The following DOCK6 variants were observed in gnomAD, a reference collection of about 807,000 sequenced individuals.
DOCK6 encodes dedicator of cytokinesis 6.
Under a neutral mutation model 230.3 loss-of-function variants are expected in DOCK6, and 167 were observed. The ratio of observed to expected loss-of-function variants is 0.73; its 90% CI spans 0.64 to 0.82. The LOEUF (loss-of-function observed/expected upper bound fraction) is 0.82. Among genes scored for constraint, DOCK6 ranks in the 40% least tolerant of loss-of-function variants. The probability of loss-of-function intolerance (pLI) is 0.00; values close to 1 mark genes in which losing one functional copy is unlikely to be tolerated. For missense variants in DOCK6, 2,598 were observed against 2,825.8 expected (o/e 0.92, Z 1.83); for synonymous variants, 1,148 against 1,185.0 (o/e 0.97, Z 0.64).
At position 11,201,040 on chromosome 19, in the gene DOCK6, G is replaced by T; in HGVS notation, c.5701C>A (p.Pro1901Thr). Reference protein sequence around the residue: ...VCHREETVLTPVEVAIEDMQK... With the variant: ...VCHREETVLTTVEVAIEDMQK... ...ATGTCCTCGATGGCCACCTCCACTG[G>T]CGTCAGCACCGTCTGTGGGGTAAGG... The change falls in exon 45 of 48, where the codon CCA (proline) becomes ACA (threonine). Residue 1901 changes from proline (P) to threonine (T), a missense_variant. Physicochemically the swap from Pro to Thr is conservative, Grantham distance 38. Coordinates refer to ENST00000294618, the MANE Select transcript of DOCK6 (RefSeq NM_020812.4). This position sits in a 1 kb window ranked among gnomAD's most constrained non-coding sequence, Gnocchi z 4.3. The T allele has an allele frequency of 1.2e-6, 2 of 1,613,816 alleles. No homozygotes were observed. The highest frequency in any genetic ancestry group is 1.7e-6 in the Non-Finnish European group (2 of 1,179,854).
chr19:11,243,080 G>A lies in DOCK6; in HGVS notation c.1459C>T (p.Arg487Trp), dbSNP rs750086667. 11 of 1,613,940 alleles carry A rather than the reference G, an allele frequency of 6.8e-6. No individual in the cohort carries two copies. The highest frequency in any genetic ancestry group is 1.7e-5 in the Admixed American group (1 of 60,022). ...ADMRRPSSLL[R>W]RLRPVTAQLK... Reference sequence around the variant, plus strand: ...GCACCAGTCACAGGACGTAGTCGCCGCAGCAGGGACGACGGGCGCCTCATG... The same window carrying A: ...GCACCAGTCACAGGACGTAGTCGCCACAGCAGGGACGACGGGCGCCTCATG... The change falls in exon 13 of 48, where the codon CGG becomes TGG. Residue 487 changes from arginine to tryptophan, a missense_variant. Physicochemically the swap from Arg to Trp is moderately radical, Grantham distance 101. Coordinates refer to ENST00000294618, the MANE Select transcript of DOCK6 (RefSeq NM_020812.4). The surrounding 1 kb of genome is among the most constrained non-coding windows in gnomAD (Gnocchi z 6.3).
intron 14 of DOCK6, chr19:11,239,865 C>T (rs2079913671): frequency 3.1e-6 from 5 of 1,598,324 alleles, no homozygotes; most frequent in Middle Eastern, 3.3e-4. Flanking sequence ...CAATAGAACT[C>T]CTGGGGCAGG....
chr19:11,242,805 A>C (rs2079967748), intron 13 of DOCK6, among the ~76,000 whole-genome samples: 1 of 151,946 alleles, frequency 6.6e-6, no homozygotes, highest in Non-Finnish European at 1.5e-5. Context: ...CCTACATTTG[A>C]TCAACTCTGC....
Position 11,200,605 on chromosome 19 carries a change from C to G in DOCK6, c.5939+111G>C. ...TAGGAGGTCAGGTTGGGAGAGTGGA[C>G]TTAATGGGAATCGGGCAGATGGGGG... On this transcript the variant is annotated intron_variant, in intron 46 of 47. Transcript: ENST00000294618. This position sits in a 1 kb window ranked among gnomAD's most constrained non-coding sequence, Gnocchi z 4.3. 6.7e-7 allele frequency: 1 copy of G among 1,499,314 alleles called. No individual in the cohort carries two copies. The highest frequency in any genetic ancestry group is 9.0e-7 in the Non-Finnish European group (1 of 1,111,596). 92.9% of individuals were successfully genotyped at this position (1,499,314 alleles called of 1,614,324 possible).
rs2079133048 is a variant in DOCK6, at chr19:11,199,544, A to G, written c.6102-5T>C. ...CTTGCTCTGTTCAAGGAGTTCCTGGAAAAAGAATGAGGGTGGGTCAGCATG... is the reference window on the plus strand; with the variant it reads ...CTTGCTCTGTTCAAGGAGTTCCTGGGAAAAGAATGAGGGTGGGTCAGCATG... On this transcript the variant is annotated splice_region_variant and splice_polypyrimidine_tract_variant and intron_variant, in intron 47 of 47. Coordinates refer to ENST00000294618, the MANE Select transcript of DOCK6 (RefSeq NM_020812.4). The G allele has an allele frequency of 6.3e-7, 1 of 1,575,060 alleles. No individual in the cohort carries two copies.
intron 1 of DOCK6, among the ~76,000 whole-genome samples, chr19:11,261,236 C>A (rs183307558): frequency 2.0e-5 from 3 of 152,162 alleles, no homozygotes; most frequent in African/African-American, 4.8e-5. Context: ...TCTTTCCCCC[C>A]ACAAACTGGC....
intron 22 of DOCK6, among the ~76,000 whole-genome samples, chr19:11,232,717 T>C (rs1255648823): frequency 6.6e-6 from 1 of 151,640 alleles, no homozygotes; most frequent in Non-Finnish European, 1.5e-5. Context: ...ATGCATGGGG[T>C]GAACACGTAT....
Position 11,222,937 on chromosome 19 carries a change from A to C in DOCK6, c.3070-32T>G. ...GAGAGGGGTGGCCATCAGTGATGTC[A>C]ACATTGCTCCGCCTTCCATCCATGC... is the stretch of plus-strand genomic sequence containing the variant. On this transcript the variant is annotated intron_variant, in intron 25 of 47. Coordinates refer to ENST00000294618, the MANE Select transcript of DOCK6 (RefSeq NM_020812.4). This position sits in a 1 kb window ranked among gnomAD's most constrained non-coding sequence, Gnocchi z 4.0. 1 of 1,612,900 alleles carries C rather than the reference A, an allele frequency of 6.2e-7. No individual in the cohort carries two copies. Among genetic ancestry groups the C allele is most frequent in the South Asian group, 1.1e-5 (1 of 90,972 alleles).
intron 2 of DOCK6, 43 bp from the exon 3 acceptor site, chr19:11,253,001 C>T (rs371589719): frequency 2.8e-5 from 44 of 1,554,560 alleles, no homozygotes; most frequent in Non-Finnish European, 3.4e-5. Context: ...ACCTAGGAGG[C>T]TGAGAGTGGG....
Position 11,204,245 on chromosome 19 carries a change from C to G in DOCK6, c.5175G>C (p.Ala1725=). 4 of 1,588,556 alleles carry G rather than the reference C, an allele frequency of 2.5e-6. No individual in the cohort carries two copies. The highest frequency in any genetic ancestry group is 3.4e-6 in the Non-Finnish European group (4 of 1,166,070). Residue 1725 remains alanine (A), a synonymous_variant, in exon 40 of 48, where the codon GCG becomes GCC. Coordinates refer to ENST00000294618, the MANE Select transcript of DOCK6 (RefSeq NM_020812.4). The part of the protein sequence containing the change: ...EAHRDYKKLA[A]VHGKLQEAFT... ...AGGCCTCCTGCAGTTTGCCGTGCAC[C>G]GCGGCCAGCTTCTTGTAGTCACGGT...
intron 1 of DOCK6, 85 bp from the exon 2 acceptor site, chr19:11,253,811 T>G: frequency 3.0e-6 from 3 of 1,008,130 alleles, no homozygotes; most frequent in Non-Finnish European, 4.3e-6. Context: ...AAAATCCAGA[T>G]TGTGGAACGA....
At chr19:11,259,408 G>A (rs188074675) in intron 1 of DOCK6, among the ~76,000 whole-genome samples, 7 of 151,604 alleles carry the variant, frequency 4.6e-5, no homozygotes, top group Admixed American at 2.0e-4. Context: ...GTATGTGCTT[G>A]TGTTTGCCAA....
Position 11,243,463 on chromosome 19 carries a change from C to T in DOCK6, c.1259-78G>A, listed in dbSNP as rs2147852719. 1 of 1,552,522 alleles carries T rather than the reference C, an allele frequency of 6.4e-7. No individual in the cohort carries two copies. Among genetic ancestry groups the T allele is most frequent in the Non-Finnish European group, 8.7e-7 (1 of 1,150,566 alleles). On this transcript the variant is annotated intron_variant, in intron 11 of 47. Transcript: ENST00000294618. This position sits in a 1 kb window ranked among gnomAD's most constrained non-coding sequence, Gnocchi z 6.3. The stretch of plus-strand genomic sequence containing the variant: ...CTCAGGGGCGGCACAGTTCGGCCAG[C>T]AGAGGGCGCACCCCCTCGCCCCGTA...
intron 23 of DOCK6, 24 bp from the exon 24 acceptor site, chr19:11,227,501 T>C: frequency 6.8e-7 from 1 of 1,477,652 alleles, no homozygotes; most frequent in Non-Finnish European, 9.0e-7. Flanking sequence ...GAGAGGGCTG[T>C]GGGTGGGATT....
At chr19:11,209,670 A>C (rs1600858161) in intron 37 of DOCK6, among the ~76,000 whole-genome samples, 1 of 50,512 alleles carries the variant, frequency 2.0e-5, no homozygotes, top group Admixed American at 2.5e-4. Context: ...CCAGCCCCTC[A>C]CCTGTCCATC....
At chr19:11,253,603 G>C in intron 2 of DOCK6, 36 bp downstream of exon 2, 1 of 1,298,682 alleles carries the variant, frequency 7.7e-7, no homozygotes, top group African/African-American at 1.6e-5. Flanking sequence ...TCTGAGAGAG[G>C]GCAGAGGGCT....
At position 11,243,388 on chromosome 19, in the gene DOCK6, A is replaced by G; in HGVS notation, c.1259-3T>C. ...GTCTGTCCAGGCTGGCCGGCGCTCT[A>G]GGGGAGGGAATGACAATGACAAAAG... is the stretch of plus-strand genomic sequence containing the variant. On this transcript the variant is annotated splice_polypyrimidine_tract_variant and splice_region_variant and intron_variant, in intron 11 of 47. Transcript: ENST00000294618. The surrounding 1 kb of genome is among the most constrained non-coding windows in gnomAD (Gnocchi z 6.3). 6.2e-7 allele frequency: 1 copy of G among 1,601,070 alleles called. No individual in the cohort carries two copies. The highest frequency in any genetic ancestry group is 1.7e-5 in the Admixed American group (1 of 57,992).
intron 37 of DOCK6, among the ~76,000 whole-genome samples, chr19:11,210,978 C>T (rs543209934): frequency 6.6e-6 from 1 of 151,928 alleles, no homozygotes; most frequent in South Asian, 2.1e-4. Flanking sequence ...CTCACCTGTC[C>T]ATTTCTTCAC....
At chr19:11,247,864 G>T (rs2080059185) in intron 7 of DOCK6, 2 of 573,216 alleles carry the variant, frequency 3.5e-6, no homozygotes, top group Admixed American at 5.6e-5. Flanking sequence ...ACTGATCCTG[G>T]CATACAATTG....
Sources: allele counts gnomAD v4.1 joint callset (sites outside exome capture counted in the v4.1 genomes callset), GRCh38; gene constraint gnomAD v4.1.1; non-coding constraint Gnocchi (gnomAD v3.1); transcripts MANE v1.5; gene names NCBI Gene and HGNC (gene_info 2026-07-23, HGNC 2026-07-21).